PAPPA2: variants seen among roughly 807,000 people sequenced by gnomAD.
PAPPA2 encodes the protein pappalysin 2, also known as pappalysin-2.
A neutral mutation model predicts 176.4 loss-of-function variants in PAPPA2; 86 were observed. The observed-to-expected ratio is 0.49, with a 90% CI of 0.41 to 0.58. PAPPA2 has a LOEUF of 0.58. Among genes scored for constraint, PAPPA2 ranks in the 20% least tolerant of loss-of-function variants. The pLI is 0.00. For missense variants in PAPPA2, 2,073 were observed against 2,256.9 expected (o/e 0.92, Z 1.65); for synonymous variants, 809 against 852.2 (o/e 0.95, Z 0.88).
intron 1 of PAPPA2, among the ~76,000 whole-genome samples, chr1:176,547,744 G>A (rs955151608): frequency 5.3e-5 from 8 of 152,094 alleles, no homozygotes; most frequent in African/African-American, 1.9e-4. Flanking sequence ...GATGACAGCA[G>A]TATCCATCTC....
At chr1:176,680,202 C>T (rs1335630918) in intron 4 of PAPPA2, among the ~76,000 whole-genome samples, 4 of 152,290 alleles carry the variant, frequency 2.6e-5, no homozygotes, top group South Asian at 2.1e-4. Context: ...CAAGTGACTG[C>T]ACTTGAATAG....
intron 1 of PAPPA2, among the ~76,000 whole-genome samples, chr1:176,524,731 G>A (rs927081865): frequency 3.3e-5 from 5 of 152,156 alleles, no homozygotes; most frequent in African/African-American, 1.2e-4. Context: ...CTCATAAAAT[G>A]TTACAGCCTT....
At chr1:176,837,274 G>C (rs147081766) in intron 21 of PAPPA2, among the ~76,000 whole-genome samples, 1 of 152,036 alleles carries the variant, frequency 6.6e-6, no homozygotes. Context: ...TAGTCCAAGC[G>C]CTCTCTCAGA....
At chr1:176,647,012 A>G (rs918830713) in intron 3 of PAPPA2, among the ~76,000 whole-genome samples, 1 of 151,516 alleles carries the variant, frequency 6.6e-6, no homozygotes, top group Non-Finnish European at 1.5e-5. Flanking sequence ...GATTGTACTA[A>G]TTTATATTCT....
intron 4 of PAPPA2, among the ~76,000 whole-genome samples, chr1:176,688,583 A>G (rs1008172636): frequency 2.0e-5 from 3 of 152,252 alleles, no homozygotes; most frequent in Admixed American, 6.5e-5. Context: ...TTTAGAGAAT[A>G]ACAATTTTAC....
chr1:176,467,573 G>GGATT (rs1651683294), intron 1 of PAPPA2, among the ~76,000 whole-genome samples: 1 of 152,178 alleles, frequency 6.6e-6, no homozygotes, highest in South Asian at 2.1e-4. Context: ...TGTTGAATCA[G>GGATT]GGGCAGTGGA....
rs141003804 is a variant in PAPPA2 at position 176,694,693 on chromosome 1, T to A, written c.2625-1045T>A. 2.2e-4 allele frequency among the ~76,000 whole-genome samples: 33 copies of A among 152,370 alleles called. No homozygotes were observed. In the Middle Eastern group the frequency reaches 0.01, roughly 47 times the overall value. ...ATTATTATGTAGCTATTATTGTGTC[T>A]ACCTCTTCCAGTTACCTCAGTTATA... On this transcript the variant is annotated intron_variant, in intron 6 of 22. Transcript: ENST00000367662.
intron 3 of PAPPA2, among the ~76,000 whole-genome samples, chr1:176,661,256 A>G (rs1658343746): frequency 6.6e-6 from 1 of 152,032 alleles, no homozygotes; most frequent in Admixed American, 6.6e-5. Context: ...AACAGAAACC[A>G]CTGTAGCTAT....
rs773587764 is a variant in PAPPA2, at chr1:176,800,057, T to G, written c.5131-4T>G. ...TTTTCTGTTTTTCCCGTCTTTCCCC[T>G]TAGAGCATTGTGTGCACTGGCCGGC... On this transcript the variant is annotated splice_region_variant and splice_polypyrimidine_tract_variant and intron_variant, in intron 20 of 22. Coordinates refer to ENST00000367662, the MANE Select transcript of PAPPA2 (RefSeq NM_020318.3). 1 of 1,614,010 alleles carries G rather than the reference T, an allele frequency of 6.2e-7. No individual in the cohort carries two copies. Among genetic ancestry groups the G allele is most frequent in the South Asian group, 1.1e-5 (1 of 91,070 alleles).
intron 1 of PAPPA2, among the ~76,000 whole-genome samples, chr1:176,496,511 TTTA>T (rs1647631819): frequency 6.6e-6 from 1 of 152,122 alleles, no homozygotes; most frequent in Non-Finnish European, 1.5e-5. Flanking sequence ...CGAGTGTTCC[TTTA>T]CGAGGCCTGT....
intron 17 of PAPPA2, among the ~76,000 whole-genome samples, chr1:176,776,971 A>G (rs1183418818): frequency 2.0e-5 from 3 of 152,014 alleles, no homozygotes; most frequent in Non-Finnish European, 4.4e-5. Context: ...CACTCAGCCA[A>G]TAAATGGTAA....
chr1:176,725,874 G>A (rs537552974), intron 12 of PAPPA2, among the ~76,000 whole-genome samples: 12 of 152,224 alleles, frequency 7.9e-5, no homozygotes, highest in African/African-American at 2.4e-4. Context: ...TCCGCCTCCC[G>A]GGTTCACACG....
At position 176,541,996 on chromosome 1, in the gene PAPPA2, T is replaced by C. The variant is rs75994355; in HGVS notation, c.-916-13411T>C. ...AAAAATACCTATCACGTTTGTTGAA[T>C]AGTTTCTTATTTTCCTGAAGTCTGA... On this transcript the variant is annotated intron_variant, in intron 1 of 22. Transcript: ENST00000367662. 2.4e-3 allele frequency among the ~76,000 whole-genome samples: 360 copies of C among 152,350 alleles called. 2 individuals carry two copies. Among genetic ancestry groups the C allele is most frequent in the African/African-American group, 8.6e-3 (356 of 41,580 alleles).
intron 3 of PAPPA2, among the ~76,000 whole-genome samples, chr1:176,608,026 T>C (rs980643327): frequency 5.3e-5 from 8 of 152,198 alleles, no homozygotes; most frequent in South Asian, 2.1e-4. Flanking sequence ...CTGAACAAGA[T>C]TGATGGATTG....
intron 18 of PAPPA2, 48 bp downstream of exon 18, chr1:176,790,025 T>C: frequency 6.4e-7 from 1 of 1,572,512 alleles, no homozygotes; most frequent in South Asian, 1.2e-5. Flanking sequence ...TGCTCTAATC[T>C]TGATGCCCAA....
At chr1:176,643,918 G>T (rs911896760) in intron 3 of PAPPA2, among the ~76,000 whole-genome samples, 1 of 151,788 alleles carries the variant, frequency 6.6e-6, no homozygotes, top group Non-Finnish European at 1.5e-5. Flanking sequence ...ATCTTTCTAG[G>T]CACCAACTCT....
intron 1 of PAPPA2, among the ~76,000 whole-genome samples, chr1:176,473,802 C>T (rs1034865416): frequency 6.6e-5 from 10 of 152,142 alleles, no homozygotes; most frequent in Admixed American, 2.0e-4. Context: ...AACGTCTTTT[C>T]GTATGCTTAT....
At chr1:176,744,740 TTC>T (rs1662832270) in intron 14 of PAPPA2, among the ~76,000 whole-genome samples, 2 of 152,226 alleles carry the variant, frequency 1.3e-5, no homozygotes, top group Non-Finnish European at 2.9e-5. Flanking sequence ...TTCATTACTA[TTC>T]TCTCTTTTTC....
At chr1:176,500,314 T>C (rs1572973340) in intron 1 of PAPPA2, among the ~76,000 whole-genome samples, 1 of 151,816 alleles carries the variant, frequency 6.6e-6, no homozygotes, top group Non-Finnish European at 1.5e-5. Context: ...TTAAACACAG[T>C]ATATTATTTT....
Sources: gnomAD v4.1 joint callset for allele counts (sites outside exome capture counted in the v4.1 genomes callset) on GRCh38, gnomAD v4.1.1 for gene constraint, MANE v1.5 for transcripts, NCBI Gene and HGNC (gene_info 2026-07-23, HGNC 2026-07-21) for gene names.